FGF13: variants seen among roughly 807,000 people sequenced by gnomAD.
The protein encoded by FGF13 is fibroblast growth factor homologous factor 2.
FGF13 carries 2 observed loss-of-function variants against 19.5 expected under a neutral mutation model. The observed-to-expected ratio is 0.10, with a 90% CI of 0.04 to 0.32. FGF13 has a LOEUF of 0.32. Ranked by LOEUF, FGF13 falls within the 10% of genes least tolerant of loss-of-function variation. The pLI is 1.00. For synonymous variants in FGF13, 72 were observed against 76.9 expected (o/e 0.94, Z 0.33); for missense variants, 113 against 192.7 (o/e 0.59, Z 2.45).
At chrX:138,781,374 G>A (rs1179734499) in intron 3 of FGF13, among the ~76,000 whole-genome samples, 146 of 110,216 alleles carry the variant, frequency 1.3e-3, no homozygotes, top group African/African-American at 4.3e-3. Context: ...TAATGAATCC[G>A]GGAGCTGGTT....
chrX:139,090,568 A>G (rs1412759750), intron 1 of FGF13, among the ~76,000 whole-genome samples: 1 of 110,901 alleles, frequency 9.0e-6, no homozygotes, highest in African/African-American at 3.3e-5. Context: ...TTAGTTATTA[A>G]TATTTTCCTG....
At chrX:138,994,771 C>A (rs1383310370) in intron 1 of FGF13, among the ~76,000 whole-genome samples, 1 of 110,547 alleles carries the variant, frequency 9.0e-6, no homozygotes, top group Non-Finnish European at 1.9e-5. Context: ...TTTGCTTCAC[C>A]CAATATTATT....
At position 138,835,975 on chromosome X, in the gene FGF13, T is replaced by TA. The variant is rs1179485740; in HGVS notation, c.217+21536dup. On this transcript the variant is annotated intron_variant, in intron 3 of 6. Transcript: ENST00000436198. Reference sequence around the variant, plus strand: ...TGTTTTCTTTAAGATTGTTGAATGTTAAAAAAAAAAAGAGAGAGAATGTTG... The same window carrying TA: ...TGTTTTCTTTAAGATTGTTGAATGTTAAAAAAAAAAAAGAGAGAGAATGTTG... Among the ~76,000 whole-genome samples the TA allele has an allele frequency of 9.9e-3, 1,040 of 105,027 alleles. 5 individuals carry two copies. Among genetic ancestry groups the TA allele is most frequent in the African/African-American group, 0.025 (721 of 29,080 alleles). The allele number at this position is 105,027 out of a possible 115,157, so 91.2% of individuals were successfully genotyped here. A position where few individuals can be genotyped will look rare whatever the true frequency, so the allele number is the denominator to read the frequency against.
chrX:138,754,204 G>T (rs1363097932), intron 3 of FGF13, among the ~76,000 whole-genome samples: 2 of 111,741 alleles, frequency 1.8e-5, no homozygotes, highest in East Asian at 5.7e-4. Context: ...CGAGACTGGA[G>T]AATTTCCAGT....
At chrX:138,819,644 T>C (rs1258398064) in intron 3 of FGF13, among the ~76,000 whole-genome samples, 2 of 111,697 alleles carry the variant, frequency 1.8e-5, no homozygotes, top group Non-Finnish European at 3.8e-5. Flanking sequence ...AAATGGTCTT[T>C]TGGTGTTAAT....
chrX:138,921,424 G>C (rs1259446450), intron 1 of FGF13, among the ~76,000 whole-genome samples: 1 of 111,732 alleles, frequency 8.9e-6, no homozygotes, highest in Admixed American at 9.5e-5. Flanking sequence ...TCTTTTAATA[G>C]TATTAATTCT....
chrX:138,871,202 T>G (rs111742531), intron 1 of FGF13, among the ~76,000 whole-genome samples: 11,606 of 112,200 alleles, frequency 0.1, 1,459 homozygotes, highest in African/African-American at 0.35. Context: ...TGACACAGCT[T>G]CACTGTATTT....
intron 3 of FGF13, among the ~76,000 whole-genome samples, chrX:138,681,340 G>C (rs2089727256): frequency 1.8e-5 from 2 of 111,905 alleles, no homozygotes; most frequent in African/African-American, 6.5e-5. Context: ...TAAGCATCAT[G>C]AAGCCACCTC....
At chrX:139,079,543 G>T (rs1052182690) in intron 1 of FGF13, among the ~76,000 whole-genome samples, 5 of 111,104 alleles carry the variant, frequency 4.5e-5, no homozygotes, top group Non-Finnish European at 9.4e-5. Context: ...GCTTCTTTCA[G>T]AATCCCTATA....
intron 3 of FGF13, among the ~76,000 whole-genome samples, chrX:138,751,080 T>C (rs1333501735): frequency 9.0e-6 from 1 of 111,517 alleles, no homozygotes; most frequent in Non-Finnish European, 1.9e-5. Flanking sequence ...GTCGAGTTAG[T>C]TCAGGATTGT....
intron 1 of FGF13, among the ~76,000 whole-genome samples, chrX:139,136,252 G>A (rs1251417750): frequency 1.8e-5 from 2 of 111,135 alleles, no homozygotes; most frequent in Non-Finnish European, 3.8e-5. Context: ...TTTTGGTTAC[G>A]TGGATGAATT....
intron 3 of FGF13, among the ~76,000 whole-genome samples, chrX:138,846,596 C>T (rs966372969): frequency 3.6e-5 from 4 of 111,868 alleles, no homozygotes; most frequent in Non-Finnish European, 7.5e-5. Context: ...CTGAGGCCTC[C>T]CCAGAAGCTA....
At chrX:139,196,075 C>T (rs1316652195) in intron 1 of FGF13, among the ~76,000 whole-genome samples, 1 of 111,144 alleles carries the variant, frequency 9.0e-6, no homozygotes, top group Non-Finnish European at 1.9e-5. Flanking sequence ...GAAGGAGAGT[C>T]GGAGGAAGAA....
downstream of FGF13, among the ~76,000 whole-genome samples, chrX:138,855,170 T>A (rs1337994149): frequency 8.9e-6 from 1 of 111,842 alleles, no homozygotes; most frequent in Non-Finnish European, 1.9e-5. Flanking sequence ...CCATAGTTAC[T>A]TCGCCTCCTG....
chrX:139,150,901 A>C (rs1603222647), intron 1 of FGF13, among the ~76,000 whole-genome samples: 1 of 111,014 alleles, frequency 9.0e-6, no homozygotes, highest in East Asian at 2.9e-4. Flanking sequence ...AGCGGCCCAC[A>C]AAGGGTGCTA....
At chrX:138,943,749 G>A (rs956393987) in intron 1 of FGF13, among the ~76,000 whole-genome samples, 1 of 111,613 alleles carries the variant, frequency 9.0e-6, no homozygotes, top group African/African-American at 3.3e-5. Context: ...AAGCAAAAGA[G>A]GAGGGTGAAT....
intron 1 of FGF13, among the ~76,000 whole-genome samples, chrX:138,911,692 G>A (rs928309893): frequency 9.0e-6 from 1 of 111,714 alleles, no homozygotes; most frequent in African/African-American, 3.3e-5. Flanking sequence ...CAACATGCAA[G>A]GGCCTTCACT....
intron 1 of FGF13, among the ~76,000 whole-genome samples, chrX:138,878,855 C>A (rs767121929): frequency 4.5e-5 from 5 of 111,629 alleles, no homozygotes; most frequent in East Asian, 5.6e-4. Context: ...AACTGGTGTG[C>A]GATGGTATCT....
chrX:138,815,348 A>T (rs1008932426), intron 3 of FGF13, among the ~76,000 whole-genome samples: 1 of 111,581 alleles, frequency 9.0e-6, no homozygotes, highest in Admixed American at 9.6e-5. Context: ...ACCACAAAAA[A>T]TAAGTATATA....
Sources: allele counts gnomAD v4.1 joint callset (sites outside exome capture counted in the v4.1 genomes callset), GRCh38; gene constraint gnomAD v4.1.1; transcripts MANE v1.5; gene names NCBI Gene and HGNC (gene_info 2026-07-23, HGNC 2026-07-21).